Variants in ATF2 observed in about 807,000 individuals in gnomAD.
ATF2 encodes activating transcription factor 2, also known as cyclic AMP-dependent transcription factor ATF-2.
Under a neutral mutation model 60.6 loss-of-function variants are expected in ATF2, and 24 were observed. The ratio of observed to expected loss-of-function variants is 0.40; its 90% CI spans 0.29 to 0.56. The LOEUF is 0.56. Among genes scored for constraint, ATF2 ranks in the 20% least tolerant of loss-of-function variants. The pLI, the probability that ATF2 is intolerant of heterozygous loss-of-function variation, is 0.54. For missense variants in ATF2, 433 were observed against 607.7 expected, an observed-to-expected ratio of 0.71 and a Z score of 3.02; for synonymous variants, 206 against 215.4, an observed-to-expected ratio of 0.96 and a Z score of 0.38.
intron 13 of ATF2, 114 bp downstream of exon 13, chr2:175,080,546 A>G (rs1421674609): frequency 2.6e-6 from 2 of 756,778 alleles, no homozygotes; most frequent in South Asian, 4.8e-5. Flanking sequence ...AAATTCTGAT[A>G]TTTAATCTTG....
At chr2:175,160,422 C>G (rs1456087224) in intron 1 of ATF2, among the ~76,000 whole-genome samples, 1 of 151,986 alleles carries the variant, frequency 6.6e-6, no homozygotes, top group African/African-American at 2.4e-5. Context: ...TGTACTATGC[C>G]CATTAAAACA....
In ATF2 at chr2:175,160,808, A is replaced by T. The variant is rs557793278; in HGVS notation, c.-143+7242T>A. ...GTAATCCCAGCACTTTGTGATACTG[A>T]GGTGGGAGGATCGCTTGAGCCTGGG... On this transcript the variant is annotated intron_variant, in intron 1 of 13. Transcript: ENST00000264110. 3.3e-5 allele frequency among the ~76,000 whole-genome samples: 5 copies of T among 152,188 alleles called. No homozygotes were observed. The South Asian group carries it at 1.0e-3, about 32-fold the overall frequency.
chr2:175,140,980 G>C (rs1411506521), intron 2 of ATF2, among the ~76,000 whole-genome samples: 2 of 107,450 alleles, frequency 1.9e-5, no homozygotes, highest in African/African-American at 7.1e-5. Context: ...CTGGGGGATA[G>C]AGCAAGACCC....
At chr2:175,164,305 G>A (rs754791207) in intron 1 of ATF2, among the ~76,000 whole-genome samples, 1 of 152,000 alleles carries the variant, frequency 6.6e-6, no homozygotes, top group Non-Finnish European at 1.5e-5. Flanking sequence ...AGGCCAAGGC[G>A]AGTGGATCAC....
chr2:175,105,032 TTTAG>T (rs1377875691), intron 10 of ATF2, among the ~76,000 whole-genome samples: 1 of 152,162 alleles, frequency 6.6e-6, no homozygotes, highest in African/African-American at 2.4e-5. Context: ...TATCACTAAG[TTTAG>T]TTAAATTTAA....
intron 10 of ATF2, among the ~76,000 whole-genome samples, chr2:175,097,983 C>T (rs1185903292): frequency 6.6e-6 from 1 of 152,150 alleles, no homozygotes; most frequent in Non-Finnish European, 1.5e-5. Flanking sequence ...ACATTCAGAG[C>T]ATGACAGACC....
At chr2:175,095,189 C>T (rs536760454) in intron 11 of ATF2, among the ~76,000 whole-genome samples, 96 of 152,098 alleles carry the variant, frequency 6.3e-4, no homozygotes, top group Middle Eastern at 3.4e-3. Flanking sequence ...CTTCCGCCTC[C>T]TGGGTTCCAA....
intron 1 of ATF2, among the ~76,000 whole-genome samples, chr2:175,154,075 G>A (rs768104993): frequency 6.6e-6 from 1 of 151,108 alleles, no homozygotes; most frequent in Non-Finnish European, 1.5e-5. Flanking sequence ...ATTAGCCGGT[G>A]TGGTGGCACA....
chr2:175,085,640 G>A (rs1694121097), intron 12 of ATF2, among the ~76,000 whole-genome samples: 1 of 149,740 alleles, frequency 6.7e-6, no homozygotes, highest in African/African-American at 2.5e-5. Context: ...TGATGAACAG[G>A]ACATCAATTT....
chr2:175,103,662 G>C (rs190329039), intron 10 of ATF2, among the ~76,000 whole-genome samples: 1 of 141,404 alleles, frequency 7.1e-6, no homozygotes, highest in Non-Finnish European at 1.5e-5. Context: ...ATATTTCTCA[G>C]TTTGTCACAC....
At position 175,087,863 on chromosome 2, in the gene ATF2, C is replaced by T. The variant is rs1019954199; in HGVS notation, c.1185+5198G>A. On this transcript the variant is annotated intron_variant, in intron 12 of 13. Transcript: ENST00000264110. ...TACAAAATATTTTGGAAACACTTTG[C>T]AAAATGAATGGGAATGACTCCTTTC... Among the ~76,000 whole-genome samples, 3 of 152,074 alleles carry T rather than the reference C, an allele frequency of 2.0e-5. No homozygotes were observed. In the South Asian group the frequency reaches 6.2e-4, roughly 32 times the overall value.
chr2:175,136,511 T>C, intron 2 of ATF2, 25 bp from the exon 3 acceptor site: 1 of 1,408,238 alleles, frequency 7.1e-7, no homozygotes, highest in Non-Finnish European at 9.9e-7. Context: ...GGTTTCACAC[T>C]GTTAAAAATA....
chr2:175,111,416 T>C (rs1415103824), intron 10 of ATF2, 152 bp downstream of exon 10: 1 of 512,894 alleles, frequency 1.9e-6, no homozygotes, highest in African/African-American at 2.0e-5. Flanking sequence ...GGAAGATTTC[T>C]TTTTTCAAAT....
At chr2:175,076,411 TA>T (rs1334806673) in intron 13 of ATF2, among the ~76,000 whole-genome samples, 3 of 151,796 alleles carry the variant, frequency 2.0e-5, no homozygotes, top group Admixed American at 1.3e-4. Context: ...AATGAATACT[TA>T]AAAAAAATTA....
chr2:175,112,058 A>G (rs1256243789), intron 9 of ATF2, among the ~76,000 whole-genome samples: 2 of 152,244 alleles, frequency 1.3e-5, no homozygotes, highest in Non-Finnish European at 2.9e-5. Flanking sequence ...AAAAATATAT[A>G]CAATGAATTT....
At chr2:175,111,788 T>C in intron 9 of ATF2, 134 bp from the exon 10 acceptor site, 1 of 726,164 alleles carries the variant, frequency 1.4e-6, no homozygotes, top group South Asian at 2.2e-5. Flanking sequence ...ATTTTATCTC[T>C]ATACCAAATC....
chr2:175,162,034 T>G (rs1700058318), intron 1 of ATF2, among the ~76,000 whole-genome samples: 1 of 152,218 alleles, frequency 6.6e-6, no homozygotes, highest in African/African-American at 2.4e-5. Flanking sequence ...ATGGTGGGAT[T>G]ACAGGCATGA....
intron 9 of ATF2, among the ~76,000 whole-genome samples, chr2:175,112,534 C>T (rs969218089): frequency 3.3e-5 from 5 of 151,998 alleles, no homozygotes; most frequent in Non-Finnish European, 7.4e-5. Context: ...TGGGGGTAAT[C>T]TCACCGAAAG....
At chr2:175,089,916 A>G (rs1203892325) in intron 12 of ATF2, among the ~76,000 whole-genome samples, 1 of 152,144 alleles carries the variant, frequency 6.6e-6, no homozygotes. Flanking sequence ...TCCTATACCT[A>G]TACATTTACC....
Sources: allele counts gnomAD v4.1 joint callset (sites outside exome capture counted in the v4.1 genomes callset), GRCh38; gene constraint gnomAD v4.1.1; transcripts MANE v1.5; gene names NCBI Gene and HGNC (gene_info 2026-07-23, HGNC 2026-07-21).